PIGW: variants seen among roughly 807,000 people sequenced by gnomAD.
PIGW encodes the protein glucosaminyl-phosphatidylinositol-acyltransferase PIGW.
Under a neutral mutation model 34.0 loss-of-function variants are expected in PIGW, and 23 were observed. That is an observed-to-expected ratio of 0.68 (90% confidence interval 0.49 to 0.96). The LOEUF (loss-of-function observed/expected upper bound fraction) is 0.96, where lower values mean the gene tolerates loss of function less well. PIGW is among the 40% of genes least tolerant of loss of function. The probability of loss-of-function intolerance (pLI) is 0.00; values close to 1 mark genes in which losing one functional copy is unlikely to be tolerated. For synonymous variants in PIGW, 225 were observed against 225.2 expected (o/e 1.00, Z 0.01); for missense variants, 574 against 586.3 (o/e 0.98, Z 0.22).
Position 36,535,021 on chromosome 17 carries a change from G to C in PIGW, c.-580G>C, listed in dbSNP as rs913210251. On this transcript the variant is annotated 5_prime_UTR_variant, in exon 1 of 2. Transcript: ENST00000614443. ...GCGGGGCGCGCACGTGGCTTGGCCG[G>C]GACGCCTGGTCCGGCTTGCTGGCTT... 6.6e-6 allele frequency: 1 copy of C among 152,416 alleles called. No individual in the cohort carries two copies. The highest frequency in any genetic ancestry group is 1.5e-5 in the Non-Finnish European group (1 of 68,174). 9.4% of individuals were successfully genotyped at this position (152,416 alleles called of 1,614,324 possible).
At chr17:36,536,100 T>C (rs936017169) in intron 1 of PIGW, among the ~76,000 whole-genome samples, 2 of 152,196 alleles carry the variant, frequency 1.3e-5, no homozygotes, top group African/African-American at 4.8e-5. Context: ...CAGACAATGA[T>C]GTGTGGCATT....
rs750915031 is a variant in PIGW at position 36,537,959 on chromosome 17, A to T, written c.858A>T (p.Leu286Phe). 6.2e-7 allele frequency: 1 copy of T among 1,614,078 alleles called. No homozygotes were observed. Among genetic ancestry groups the T allele is most frequent in the East Asian group, 2.2e-5 (1 of 44,888 alleles). The change falls in exon 2 of 2, where the codon TTA (leucine) becomes TTT (phenylalanine). Residue 286 changes from leucine to phenylalanine, a missense_variant. By Grantham distance (22) the Leu-to-Phe change is conservative. Transcript: ENST00000614443. Reference sequence around the variant, plus strand: ...TTACCTCACTGAAGAGGTTAATATTATATGGCACTGATGGTAGTGGCACAC... The same window carrying T: ...TTACCTCACTGAAGAGGTTAATATTTTATGGCACTGATGGTAGTGGCACAC... Reference protein sequence around the residue: ...LDFTSLKRLILYGTDGSGTRV... With the variant: ...LDFTSLKRLIFYGTDGSGTRV...
chr17:36,536,253 G>A (rs564980230), intron 1 of PIGW, among the ~76,000 whole-genome samples: 53 of 152,264 alleles, frequency 3.5e-4, no homozygotes, highest in Admixed American at 3.1e-3. Flanking sequence ...GCAGCCTGGG[G>A]ATCCAGAAAT....
rs1471965245 is a variant in PIGW at position 36,537,610 on chromosome 17, G to C, written c.509G>C (p.Gly170Ala). 2 of 1,614,120 alleles carry C rather than the reference G, an allele frequency of 1.2e-6. No homozygotes were observed. The highest frequency in any genetic ancestry group is 2.2e-5 in the East Asian group (1 of 44,876). The change falls in exon 2 of 2, where the codon GGA becomes GCA. Residue 170 changes from glycine (G) to alanine (A), a missense_variant. Physicochemically the swap from Gly to Ala is moderately conservative, Grantham distance 60. Transcript: ENST00000614443. Reference protein sequence around the residue: ...ELYGTGAMDFGVGGFVFGSAM... With the variant: ...ELYGTGAMDFAVGGFVFGSAM... ...TATGGGACAGGAGCAATGGATTTTG[G>C]AGTAGGTGGCTTTGTTTTTGGGTCT...
In PIGW at chr17:36,538,161, C is replaced by T. The variant is rs2074169258; in HGVS notation, c.1060C>T (p.Leu354Phe). ...LLAAISLFIS[L>F]YVVQVNVEAV... ...GGCAGCTATTAGCCTCTTCATATCTCTTTACGTAGTTCAAGTAAATGTAGA... is the reference window on the plus strand; with the variant it reads ...GGCAGCTATTAGCCTCTTCATATCTTTTTACGTAGTTCAAGTAAATGTAGA... The change falls in exon 2 of 2, where the codon CTT (leucine) becomes TTT (phenylalanine). Residue 354 changes from leucine to phenylalanine, a missense_variant. Leu to Phe is a conservative substitution (Grantham distance 22). Transcript: ENST00000614443. The T allele has an allele frequency of 6.2e-7, 1 of 1,613,972 alleles. No individual in the cohort carries two copies.
chr17:36,535,844 C>T (rs527297572), intron 1 of PIGW, among the ~76,000 whole-genome samples: 1 of 150,844 alleles, frequency 6.6e-6, no homozygotes, highest in Non-Finnish European at 1.5e-5. Flanking sequence ...TTTTTTCACT[C>T]CTGGCCTTAA....
In PIGW at chr17:36,537,824, C is replaced by A. The variant is rs764733103; in HGVS notation, c.723C>A (p.Thr241=). 1.9e-6 allele frequency: 3 copies of A among 1,613,870 alleles called. No homozygotes were observed. Among genetic ancestry groups the A allele is most frequent in the African/African-American group, 1.3e-5 (1 of 74,880 alleles). ...EYGVHWNFFF[T]IIVVKLITPL... ...GAGTTCACTGGAACTTTTTCTTTACCATAATAGTTGTGAAATTGATAACAC... is the reference window on the plus strand; with the variant it reads ...GAGTTCACTGGAACTTTTTCTTTACAATAATAGTTGTGAAATTGATAACAC... The change falls in exon 2 of 2, where the codon ACC becomes ACA. Residue 241 remains threonine (T), a synonymous_variant. Transcript: ENST00000614443.
Position 36,538,666 on chromosome 17 carries a change from A to T in PIGW, c.*50A>T. ...ATTTGGGCAATATTTAATGAGGAAT[A>T]TTAATTGTAAAGAAATTGTGCTTTT... On this transcript the variant is annotated 3_prime_UTR_variant, in exon 2 of 2. Coordinates refer to ENST00000614443, the MANE Select transcript of PIGW (RefSeq NM_001346754.2). The T allele has an allele frequency of 7.2e-7, 1 of 1,395,642 alleles. No homozygotes were observed. Among genetic ancestry groups the T allele is most frequent in the Non-Finnish European group, 9.8e-7 (1 of 1,022,766 alleles). 86.5% of individuals were successfully genotyped at this position (1,395,642 alleles called of 1,614,324 possible).
rs965401521 is a variant in PIGW at position 36,535,367 on chromosome 17, A to G, written c.-234A>G. On this transcript the variant is annotated 5_prime_UTR_variant, in exon 1 of 2. Coordinates refer to ENST00000614443, the MANE Select transcript of PIGW (RefSeq NM_001346754.2). ...TAGAAGATCTGGCCTGCACCAGCCC[A>G]AAGGACATGACAGGAGTGGGTAGCC... is the stretch of plus-strand genomic sequence containing the variant. 1.3e-5 allele frequency: 2 copies of G among 152,324 alleles called. No homozygotes were observed. The highest frequency in any genetic ancestry group is 4.8e-5 in the African/African-American group (2 of 41,478). 9.4% of individuals were successfully genotyped at this position (152,324 alleles called of 1,614,324 possible).
chr17:36,536,998 T>C (rs2142612327), intron 1 of PIGW, 96 bp from the exon 2 acceptor site: 1 of 1,100,934 alleles, frequency 9.1e-7, no homozygotes, highest in East Asian at 2.5e-5. Flanking sequence ...AGTTCTGCTC[T>C]GAAATCTAGT....
In PIGW at chr17:36,537,493, G is replaced by C; in HGVS notation, c.392G>C (p.Cys131Ser). The change falls in exon 2 of 2, where the codon TGT (cysteine) becomes TCT (serine). Residue 131 changes from cysteine to serine, a missense_variant. Physicochemically the swap from Cys to Ser is moderately radical, Grantham distance 112. Coordinates refer to ENST00000614443, the MANE Select transcript of PIGW (RefSeq NM_001346754.2). Reference sequence around the variant, plus strand: ...TCAGAATACAATCCAGCCATCTCCTGTTTCCGTGTAATTACCAGTGCGTTT... The same window carrying C: ...TCAGAATACAATCCAGCCATCTCCTCTTTCCGTGTAATTACCAGTGCGTTT... ...LESEYNPAISCFRVITSAFTA... is the reference protein window; with the variant it reads ...LESEYNPAISSFRVITSAFTA... The C allele has an allele frequency of 6.2e-7, 1 of 1,614,138 alleles. No homozygotes were observed. Among genetic ancestry groups the C allele is most frequent in the Non-Finnish European group, 8.5e-7 (1 of 1,180,026 alleles).
chr17:36,536,369 T>G (rs1386097500), intron 1 of PIGW, among the ~76,000 whole-genome samples: 2 of 152,180 alleles, frequency 1.3e-5, no homozygotes, highest in African/African-American at 2.4e-5. Flanking sequence ...GCGTTTGAAT[T>G]TGCTTTAAGG....
rs576740851 is a variant in PIGW, at chr17:36,537,721, G to A, written c.620G>A (p.Trp207Ter). 2 of 1,614,046 alleles carry A rather than the reference G, an allele frequency of 1.2e-6. No homozygotes were observed. Among genetic ancestry groups the A allele is most frequent in the East Asian group, 2.2e-5 (1 of 44,870 alleles). ...TTTACAAACTCATTGTACTCTGTTT[G>A]GCCATTAGTCTTCCTAGGAATCGGA... ...HYFTNSLYSV[W>*]PLVFLGIGRL... The change falls in exon 2 of 2, where the codon TGG (tryptophan) becomes TAG (stop). Residue 207 changes from tryptophan (W) to a stop codon, truncating the protein, a stop_gained. Coordinates refer to ENST00000614443, the MANE Select transcript of PIGW (RefSeq NM_001346754.2). LOFTEE classifies it high-confidence loss of function.
Position 36,537,445 on chromosome 17 carries a change from A to G in PIGW, c.344A>G (p.Lys115Arg). The change falls in exon 2 of 2, where the codon AAA becomes AGA. Residue 115 changes from lysine to arginine, a missense_variant. Physicochemically the swap from Lys to Arg is conservative, Grantham distance 26 (BLOSUM62 2). Transcript: ENST00000614443. ...ARLPFLKILE[K>R]FLNISLESEY... ...CTGCCTTTCCTAAAAATCCTTGAAA[A>G]ATTCTTGAACATCAGTCTAGAATCA... 6.2e-7 allele frequency: 1 copy of G among 1,614,104 alleles called. No individual in the cohort carries two copies. Among genetic ancestry groups the G allele is most frequent in the African/African-American group, 1.3e-5 (1 of 75,024 alleles).
At position 36,537,471 on chromosome 17, in the gene PIGW, G is replaced by A. The variant is rs751445849; in HGVS notation, c.370G>A (p.Glu124Lys). Residue 124 changes from glutamate (E) to lysine (K), a missense_variant, in exon 2 of 2, where the codon GAA (glutamate) becomes AAA (lysine). Physicochemically the swap from Glu to Lys is moderately conservative, Grantham distance 56. Coordinates refer to ENST00000614443, the MANE Select transcript of PIGW (RefSeq NM_001346754.2). ...ATTCTTGAACATCAGTCTAGAATCA[G>A]AATACAATCCAGCCATCTCCTGTTT... Reference protein sequence around the residue: ...EKFLNISLESEYNPAISCFRV... With the variant: ...EKFLNISLESKYNPAISCFRV... The A allele has an allele frequency of 1.2e-6, 2 of 1,614,002 alleles. No individual in the cohort carries two copies. Among genetic ancestry groups the A allele is most frequent in the Non-Finnish European group, 1.7e-6 (2 of 1,180,044 alleles).
In PIGW at chr17:36,537,778, A is replaced by G. The variant is rs1337758912; in HGVS notation, c.677A>G (p.Gln226Arg). The G allele has an allele frequency of 6.2e-7, 1 of 1,614,064 alleles. No individual in the cohort carries two copies. Among genetic ancestry groups the G allele is most frequent in the Non-Finnish European group, 8.5e-7 (1 of 1,180,008 alleles). Residue 226 changes from glutamine to arginine, a missense_variant, in exon 2 of 2, where the codon CAG (glutamine) becomes CGG (arginine). By Grantham distance (43) the Gln-to-Arg change is conservative. Transcript: ENST00000614443. ...RLAIIKSIGY[Q>R]EHLTEYGVHW... is the part of the protein sequence containing the mutation. Reference sequence around the variant, plus strand: ...GCCATTATAAAATCAATAGGCTATCAGGAACATTTAACAGAGTATGGAGTT... The same window carrying G: ...GCCATTATAAAATCAATAGGCTATCGGGAACATTTAACAGAGTATGGAGTT...
At chr17:36,536,462 A>T (rs78954551) in intron 1 of PIGW, among the ~76,000 whole-genome samples, 10,754 of 151,554 alleles carry the variant, frequency 0.071, 644 homozygotes, top group African/African-American at 0.16. Flanking sequence ...CCATCTGCCT[A>T]TGATGCCATT....
chr17:36,538,547 C>A lies in PIGW; in HGVS notation c.1446C>A (p.Leu482=). The A allele has an allele frequency of 6.2e-7, 1 of 1,613,736 alleles. No individual in the cohort carries two copies. The highest frequency in any genetic ancestry group is 1.1e-5 in the South Asian group (1 of 91,066). Residue 482 remains leucine (L), a synonymous_variant, in exon 2 of 2, where the codon CTC becomes CTA. Transcript: ENST00000614443. ...TGTGGGCCTTATTTGTGGTCAATCT[C>A]TATATGTTTTCCAACTGTTTAATTG... ...STLWALFVVN[L]YMFSNCLIVY... is the part of the protein sequence containing the mutation.
Position 36,535,516 on chromosome 17 carries a change from T to C in PIGW, c.-85T>C, listed in dbSNP as rs1024239837. 5.8e-4 allele frequency: 88 copies of C among 152,260 alleles called. No individual in the cohort carries two copies. The highest frequency in any genetic ancestry group is 2.0e-3 in the African/African-American group (84 of 41,548). The allele number at this position is 152,260 out of a possible 1,614,324, so 9.4% of individuals were successfully genotyped here. A position where few individuals can be genotyped will look rare whatever the true frequency, so the allele number is the denominator to read the frequency against. Reference sequence around the variant, plus strand: ...GAGGCGGAAGCGGCTGGTTCCCGCGTGGTTTGGCGGGTGCAGCGGCAGTCC... The same window carrying C: ...GAGGCGGAAGCGGCTGGTTCCCGCGCGGTTTGGCGGGTGCAGCGGCAGTCC... On this transcript the variant is annotated 5_prime_UTR_variant, in exon 1 of 2. Coordinates refer to ENST00000614443, the MANE Select transcript of PIGW (RefSeq NM_001346754.2).
Sources: allele counts gnomAD v4.1 joint callset (sites outside exome capture counted in the v4.1 genomes callset), GRCh38; gene constraint gnomAD v4.1.1; transcripts MANE v1.5; gene names NCBI Gene and HGNC (gene_info 2026-07-23, HGNC 2026-07-21).